Variants in SH3BGRL2 observed in about 807,000 individuals in gnomAD.
The protein encoded by SH3BGRL2 is SH3 domain binding glutamate rich protein like 2.
A neutral mutation model predicts 14.8 loss-of-function variants in SH3BGRL2; 21 were observed. The ratio of observed to expected loss-of-function variants is 1.42; its 90% CI spans 1.01 to 2.05. SH3BGRL2 has a LOEUF of 2.05. Ranked by LOEUF, SH3BGRL2 falls within the 30% of genes most tolerant of loss-of-function variation. The pLI, the probability that SH3BGRL2 is intolerant of heterozygous loss-of-function variation, is 0.00. For missense variants in SH3BGRL2, 147 were observed against 130.8 expected, an observed-to-expected ratio of 1.12 and a Z score of -0.61; for synonymous variants, 50 against 47.8, an observed-to-expected ratio of 1.05 and a Z score of -0.19.
the SH3BGRL2 span, among the ~76,000 whole-genome samples, chr6:79,563,131 ATTTTTTTTTTGTAT>A: frequency 1.4e-5 from 2 of 146,526 alleles, no homozygotes; most frequent in Non-Finnish European, 3.0e-5. Flanking sequence ...AATTTTTTGA[ATTTTTTTTTTGTAT>A]TTTTTTTTTT....
At chr6:79,615,856 G>C in the SH3BGRL2 span, among the ~76,000 whole-genome samples, 1 of 79,278 alleles carries the variant, frequency 1.3e-5, no homozygotes, top group East Asian at 2.8e-4. Flanking sequence ...TTTTAGACAA[G>C]AGTTTTGCTA....
At chr6:79,597,144 C>T in the SH3BGRL2 span, among the ~76,000 whole-genome samples, 1 of 151,822 alleles carries the variant, frequency 6.6e-6, no homozygotes, top group Non-Finnish European at 1.5e-5. Flanking sequence ...GCACAAGAAT[C>T]GCTTGAACCA....
the SH3BGRL2 span, among the ~76,000 whole-genome samples, chr6:79,597,435 G>A: frequency 5.3e-5 from 8 of 151,920 alleles, no homozygotes; most frequent in African/African-American, 1.9e-4. Context: ...TAGATCAGTG[G>A]GATAGAATTG....
intron 1 of SH3BGRL2, among the ~76,000 whole-genome samples, chr6:79,655,889 A>G (rs1211657817): frequency 1.3e-5 from 2 of 152,180 alleles, no homozygotes; most frequent in Non-Finnish European, 1.5e-5. Flanking sequence ...CTGTGCTTTA[A>G]CAAGCCCTCC....
intron 1 of SH3BGRL2, among the ~76,000 whole-genome samples, chr6:79,656,918 TAAAG>T (rs1194494997): frequency 6.6e-6 from 1 of 152,146 alleles, no homozygotes; most frequent in Non-Finnish European, 1.5e-5. Context: ...TATATTAAAA[TAAAG>T]AACATACATG....
intron 2 of SH3BGRL2, among the ~76,000 whole-genome samples, chr6:79,684,618 C>A (rs967412341): frequency 1.1e-4 from 16 of 152,110 alleles, no homozygotes; most frequent in African/African-American, 3.9e-4. Flanking sequence ...ATTTGCTGTA[C>A]GTGGTTTGAA....
At position 79,679,033 on chromosome 6, in the gene SH3BGRL2, A is replaced by G. The variant is rs1049588704; in HGVS notation, c.231+5234A>G. ...TCCAGTCCATCATTGATGTGCACCT[A>G]GGTTGATTCCATGTCTTTGCTATTG... is the stretch of plus-strand genomic sequence containing the variant. On this transcript the variant is annotated intron_variant, in intron 2 of 3. Coordinates refer to ENST00000369838, the MANE Select transcript of SH3BGRL2 (RefSeq NM_031469.4). Among the ~76,000 whole-genome samples the G allele has an allele frequency of 1.7e-4, 26 of 152,138 alleles. 1 individual carries two copies. The highest frequency in any genetic ancestry group is 1.5e-5 in the Non-Finnish European group (1 of 68,028).
At chr6:79,659,769 G>C (rs1769502774) in intron 1 of SH3BGRL2, among the ~76,000 whole-genome samples, 1 of 152,176 alleles carries the variant, frequency 6.6e-6, no homozygotes, top group African/African-American at 2.4e-5. Flanking sequence ...TCCTATCCAT[G>C]AGCATGGAAT....
At chr6:79,663,025 C>T (rs564602608) in intron 1 of SH3BGRL2, among the ~76,000 whole-genome samples, 4 of 152,240 alleles carry the variant, frequency 2.6e-5, no homozygotes, top group Non-Finnish European at 4.4e-5. Context: ...CTCTACACTG[C>T]TTATTCTAGT....
the SH3BGRL2 span, among the ~76,000 whole-genome samples, chr6:79,552,382 T>C: frequency 6.6e-6 from 1 of 152,370 alleles, no homozygotes; most frequent in South Asian, 2.1e-4. Context: ...TATTTAAGTT[T>C]AGGGGAGTGT....
chr6:79,543,005 C>T, the SH3BGRL2 span, among the ~76,000 whole-genome samples: 1 of 152,160 alleles, frequency 6.6e-6, no homozygotes, highest in Non-Finnish European at 1.5e-5. Context: ...TGGCACTCTA[C>T]AGAGTACTTT....
At chr6:79,557,956 T>C in the SH3BGRL2 span, among the ~76,000 whole-genome samples, 1 of 152,344 alleles carries the variant, frequency 6.6e-6, no homozygotes, top group East Asian at 1.9e-4. Flanking sequence ...CAAGGACTTA[T>C]GATCATTCAA....
At chr6:79,541,755 T>C in the SH3BGRL2 span, among the ~76,000 whole-genome samples, 5 of 152,182 alleles carry the variant, frequency 3.3e-5, no homozygotes, top group Non-Finnish European at 5.9e-5. Flanking sequence ...ACAGGAAAAC[T>C]GGAATGCTGT....
At chr6:79,613,850 C>T in the SH3BGRL2 span, among the ~76,000 whole-genome samples, 9 of 152,104 alleles carry the variant, frequency 5.9e-5, no homozygotes, top group Non-Finnish European at 1.0e-4. Flanking sequence ...TCAGGTGATC[C>T]GCCTGCCCAG....
At chr6:79,691,839 A>G (rs1367790482) in intron 2 of SH3BGRL2, among the ~76,000 whole-genome samples, 1 of 151,868 alleles carries the variant, frequency 6.6e-6, no homozygotes, top group African/African-American at 2.4e-5. Context: ...TCTTTATAGC[A>G]GCATGATTTA....
chr6:79,578,594 A>G, the SH3BGRL2 span, among the ~76,000 whole-genome samples: 1 of 151,876 alleles, frequency 6.6e-6, no homozygotes, highest in Admixed American at 6.5e-5. Flanking sequence ...ACAGAAAAGA[A>G]TAGCATCAAC....
At chr6:79,607,876 A>G in the SH3BGRL2 span, among the ~76,000 whole-genome samples, 2 of 152,046 alleles carry the variant, frequency 1.3e-5, no homozygotes, top group Admixed American at 1.3e-4. Context: ...ACCCCAAGAG[A>G]CAGAGGTTAC....
At chr6:79,564,188 G>GA in the SH3BGRL2 span, among the ~76,000 whole-genome samples, 1,765 of 144,454 alleles carry the variant, frequency 0.012, 34 homozygotes, top group African/African-American at 0.036. Context: ...TTGTGTATCT[G>GA]AAAAAAAAAA....
intron 1 of SH3BGRL2, among the ~76,000 whole-genome samples, chr6:79,655,481 C>A (rs994382903): frequency 6.6e-6 from 1 of 151,952 alleles, no homozygotes; most frequent in Non-Finnish European, 1.5e-5. Flanking sequence ...CTATACAATT[C>A]GGTGGCTTTC....
Sources: gnomAD v4.1 joint callset for allele counts (sites outside exome capture counted in the v4.1 genomes callset) on GRCh38, gnomAD v4.1.1 for gene constraint, MANE v1.5 for transcripts, NCBI Gene and HGNC (gene_info 2026-07-23, HGNC 2026-07-21) for gene names.